GAS7: variants seen among roughly 807,000 people sequenced by gnomAD.
GAS7 encodes the protein growth arrest specific 7, also known as growth arrest-specific protein 7.
Under a neutral mutation model 71.1 loss-of-function variants are expected in GAS7, and 28 were observed. The ratio of observed to expected loss-of-function variants is 0.39; its 90% CI spans 0.29 to 0.54. The LOEUF (loss-of-function observed/expected upper bound fraction) is 0.54, where lower values mean the gene tolerates loss of function less well. Ranked by LOEUF, GAS7 falls within the 20% of genes least tolerant of loss-of-function variation. The pLI is 0.62. For missense variants in GAS7, 436 were observed against 627.8 expected (o/e 0.69, Z 3.27); for synonymous variants, 258 against 245.8 (o/e 1.05, Z -0.46).
chr17:9,910,990 T>A lies in GAS7; in HGVS notation c.*6238A>T. 1 of 232,684 alleles carries A rather than the reference T, an allele frequency of 4.3e-6. No individual in the cohort carries two copies. Among genetic ancestry groups the A allele is most frequent in the East Asian group, 6.1e-5 (1 of 16,472 alleles). The allele number at this position is 232,684 out of a possible 1,614,324, so 14.4% of individuals were successfully genotyped here. A position where few individuals can be genotyped will look rare whatever the true frequency, so the allele number is the denominator to read the frequency against. ...AGATCAAACAAGCAAGTTTATTTTG[T>A]TAGAAAATTCCACTTTCATAGGGTT... On this transcript the variant is annotated 3_prime_UTR_variant, in exon 14 of 14. Coordinates refer to ENST00000432992, the MANE Select transcript of GAS7 (RefSeq NM_201433.2).
intron 9 of GAS7, among the ~76,000 whole-genome samples, chr17:9,927,821 G>A (rs1314160319): frequency 6.6e-6 from 1 of 152,178 alleles, no homozygotes; most frequent in African/African-American, 2.4e-5. Context: ...CTGATGGTGG[G>A]AACTGTTGGA....
At chr17:10,040,784 C>T (rs1231924959) in intron 1 of GAS7, among the ~76,000 whole-genome samples, 1 of 152,192 alleles carries the variant, frequency 6.6e-6, no homozygotes, top group Non-Finnish European at 1.5e-5. Flanking sequence ...AATCCACACA[C>T]TCGCTTTTGA....
intron 1 of GAS7, among the ~76,000 whole-genome samples, chr17:10,170,355 A>G (rs2074327188): frequency 6.8e-6 from 1 of 146,704 alleles, no homozygotes; most frequent in Non-Finnish European, 1.5e-5. Context: ...CCCCATCTCC[A>G]ACACTCCCCA....
At chr17:10,128,950 C>G (rs1379112685) in intron 1 of GAS7, among the ~76,000 whole-genome samples, 1 of 152,098 alleles carries the variant, frequency 6.6e-6, no homozygotes, top group Non-Finnish European at 1.5e-5. Context: ...AATTCCAAAC[C>G]AAATGATCTT....
intron 1 of GAS7, among the ~76,000 whole-genome samples, chr17:10,151,425 G>A (rs1789622498): frequency 6.6e-6 from 1 of 151,932 alleles, no homozygotes; most frequent in Admixed American, 6.5e-5. Flanking sequence ...TAACAAAACT[G>A]TCACATGTTC....
intron 1 of GAS7, among the ~76,000 whole-genome samples, chr17:10,063,472 A>C (rs534733266): frequency 6.6e-6 from 1 of 152,382 alleles, no homozygotes; most frequent in East Asian, 1.9e-4. Flanking sequence ...GCAGAGAAGC[A>C]GCAGCTCCGG....
intron 1 of GAS7, among the ~76,000 whole-genome samples, chr17:10,171,700 G>A (rs2074336208): frequency 6.6e-6 from 1 of 152,234 alleles, no homozygotes; most frequent in Admixed American, 6.5e-5. Context: ...GGGTGAAGCA[G>A]TGAAGAACGC....
chr17:9,935,537 G>A (rs537356347), intron 8 of GAS7, among the ~76,000 whole-genome samples: 5 of 152,284 alleles, frequency 3.3e-5, no homozygotes, highest in Admixed American at 3.3e-4. Flanking sequence ...CATTAAAGTC[G>A]AGTGGCAAAA....
Position 10,182,419 on chromosome 17 carries a change from C to T in GAS7, c.183+15789G>A, listed in dbSNP as rs140352733. On this transcript the variant is annotated intron_variant, in intron 1 of 13. Transcript: ENST00000432992. ...AGGTGATCCACACACCTCGGCCTCC[C>T]AAACTGCTGGGATTACAGGCATGAG... 5.0e-3 allele frequency among the ~76,000 whole-genome samples: 760 copies of T among 152,342 alleles called. 5 individuals are homozygous for T. The highest frequency in any genetic ancestry group is 8.1e-3 in the Non-Finnish European group (551 of 68,024).
intron 1 of GAS7, among the ~76,000 whole-genome samples, chr17:10,097,372 G>A (rs181209016): frequency 4.6e-5 from 7 of 152,316 alleles, no homozygotes; most frequent in African/African-American, 7.2e-5. Flanking sequence ...GAGACTCCCC[G>A]GATGGGGTTA....
chr17:10,139,921 T>C (rs1368185834), intron 1 of GAS7, among the ~76,000 whole-genome samples: 3 of 152,172 alleles, frequency 2.0e-5, no homozygotes, highest in Non-Finnish European at 4.4e-5. Context: ...ATTGGTTAGG[T>C]CCATGACACA....
At chr17:9,998,371 T>C (rs779217446) in intron 2 of GAS7, among the ~76,000 whole-genome samples, 1 of 152,242 alleles carries the variant, frequency 6.6e-6, no homozygotes, top group Non-Finnish European at 1.5e-5. Flanking sequence ...CTACTGGACC[T>C]GCCAAGAGTT....
chr17:10,189,781 A>G (rs892651041), intron 1 of GAS7, among the ~76,000 whole-genome samples: 1 of 152,066 alleles, frequency 6.6e-6, no homozygotes, highest in African/African-American at 2.4e-5. Flanking sequence ...TCTACTAAAA[A>G]TACAAAAATT....
At chr17:10,145,036 T>C (rs1346026740) in intron 1 of GAS7, among the ~76,000 whole-genome samples, 1 of 152,138 alleles carries the variant, frequency 6.6e-6, no homozygotes. Flanking sequence ...AAGGAGTTAG[T>C]AGGTTCCAAA....
chr17:10,030,481 G>T (rs750294398), intron 1 of GAS7, among the ~76,000 whole-genome samples: 7 of 152,290 alleles, frequency 4.6e-5, no homozygotes, highest in Non-Finnish European at 1.0e-4. Context: ...GTGAAAAGGG[G>T]GTCAGGTGCA....
intron 1 of GAS7, among the ~76,000 whole-genome samples, chr17:10,110,207 T>C (rs949431961): frequency 6.6e-6 from 1 of 152,148 alleles, no homozygotes; most frequent in African/African-American, 2.4e-5. Flanking sequence ...CGTGGAATTC[T>C]ATTCAGCATG....
chr17:9,977,024 C>G (rs1238728154), intron 3 of GAS7, among the ~76,000 whole-genome samples: 4 of 152,192 alleles, frequency 2.6e-5, no homozygotes, highest in Non-Finnish European at 4.4e-5. Flanking sequence ...CTCATGACAT[C>G]TGAATAAAGT....
At chr17:10,007,842 TTTTA>T (rs1315110452) in intron 2 of GAS7, among the ~76,000 whole-genome samples, 3 of 152,024 alleles carry the variant, frequency 2.0e-5, no homozygotes, top group Non-Finnish European at 2.9e-5. Context: ...TTTAAAACAT[TTTTA>T]TTGTCTCAAA....
In GAS7 at chr17:10,026,674, G is replaced by A. The variant is rs1014465690; in HGVS notation, c.184-6777C>T. ...TGGGGCTGCCAGAGCCCACCAGGAA[G>A]ATCAAGACCCAGCAGGGCTGGAGAC... is the stretch of plus-strand genomic sequence containing the variant. On this transcript the variant is annotated intron_variant, in intron 1 of 13. Coordinates refer to ENST00000432992, the MANE Select transcript of GAS7 (RefSeq NM_201433.2). The surrounding 1 kb of genome is among the most constrained non-coding windows in gnomAD (Gnocchi z 4.5). 6.6e-5 allele frequency among the ~76,000 whole-genome samples: 10 copies of A among 152,200 alleles called. No individual in the cohort carries two copies. The highest frequency in any genetic ancestry group is 2.4e-4 in the African/African-American group (10 of 41,452).
Sources: gnomAD v4.1 joint callset for allele counts (sites outside exome capture counted in the v4.1 genomes callset) on GRCh38, gnomAD v4.1.1 for gene constraint, Gnocchi (gnomAD v3.1) non-coding constraint, MANE v1.5 for transcripts, NCBI Gene and HGNC (gene_info 2026-07-23, HGNC 2026-07-21) for gene names.